INPP4B: variants seen among roughly 807,000 people sequenced by gnomAD.
The protein encoded by INPP4B is inositol polyphosphate-4-phosphatase type II B, also known as inositol polyphosphate 4-phosphatase type II.
INPP4B carries 55 observed loss-of-function variants against 122.5 expected under a neutral mutation model. That is an observed-to-expected ratio of 0.45 (90% CI 0.36 to 0.56). INPP4B has a LOEUF of 0.56. Among genes scored for constraint, INPP4B ranks in the 20% least tolerant of loss-of-function variants. INPP4B has a pLI of 0.00. For synonymous variants in INPP4B, 403 were observed against 388.7 expected (o/e 1.04, Z -0.43); for missense variants, 1,000 against 1,097.7 (o/e 0.91, Z 1.26).
chr4:142,232,840 T>C (rs1258076512), intron 12 of INPP4B, among the ~76,000 whole-genome samples: 1 of 152,180 alleles, frequency 6.6e-6, no homozygotes, highest in Admixed American at 6.5e-5. Context: ...TTATTGCTGA[T>C]GTGGAGAAAG....
At chr4:142,089,779 A>T (rs1168630307) in intron 23 of INPP4B, among the ~76,000 whole-genome samples, 1 of 152,174 alleles carries the variant, frequency 6.6e-6, no homozygotes, top group African/African-American at 2.4e-5. Flanking sequence ...TTTTTCAAAA[A>T]TTGTAGTTCC....
intron 1 of INPP4B, among the ~76,000 whole-genome samples, chr4:142,817,417 C>T (rs566863267): frequency 5.9e-5 from 9 of 152,254 alleles, no homozygotes; most frequent in African/African-American, 1.9e-4. Context: ...GCTTTCTCCT[C>T]GATTATCCAA....
At chr4:142,181,610 G>A (rs190229233) in intron 15 of INPP4B, among the ~76,000 whole-genome samples, 4 of 152,196 alleles carry the variant, frequency 2.6e-5, no homozygotes, top group Non-Finnish European at 4.4e-5. Flanking sequence ...CAACTTTAGC[G>A]ATGCAGAATA....
intron 3 of INPP4B, among the ~76,000 whole-genome samples, chr4:142,454,377 C>A (rs1452777772): frequency 6.6e-6 from 1 of 152,140 alleles, no homozygotes; most frequent in East Asian, 1.9e-4. Flanking sequence ...CCTCCCTATG[C>A]ACCCTCCCAA....
At chr4:142,748,679 T>C (rs567797872) in intron 1 of INPP4B, among the ~76,000 whole-genome samples, 1 of 139,808 alleles carries the variant, frequency 7.2e-6, no homozygotes, top group Non-Finnish European at 1.6e-5. Flanking sequence ...AAAAAAAAAA[T>C]AGAAAATTGA....
chr4:142,800,536 G>T (rs1044129038), intron 1 of INPP4B, among the ~76,000 whole-genome samples: 5 of 152,120 alleles, frequency 3.3e-5, no homozygotes, highest in Admixed American at 1.3e-4. Flanking sequence ...CAATATTAAA[G>T]AATTTGAATT....
intron 25 of INPP4B, among the ~76,000 whole-genome samples, chr4:142,072,383 G>A (rs1767982372): frequency 6.6e-6 from 1 of 151,700 alleles, no homozygotes; most frequent in South Asian, 2.1e-4. Context: ...TATACCTAAT[G>A]TAAATGACGG....
intron 1 of INPP4B, among the ~76,000 whole-genome samples, chr4:142,839,275 T>C (rs993518902): frequency 6.6e-6 from 1 of 152,036 alleles, no homozygotes; most frequent in African/African-American, 2.4e-5. Context: ...CTGGCCAACA[T>C]AGTAAAACCT....
intron 2 of INPP4B, among the ~76,000 whole-genome samples, chr4:142,691,570 A>T (rs1560966290): frequency 6.6e-6 from 1 of 152,138 alleles, no homozygotes; most frequent in South Asian, 2.1e-4. Context: ...CTCCATCAAC[A>T]ACCCAGATTT....
intron 2 of INPP4B, among the ~76,000 whole-genome samples, chr4:142,625,460 C>T (rs1746126886): frequency 1.3e-5 from 2 of 152,098 alleles, no homozygotes; most frequent in Admixed American, 1.3e-4. Context: ...GAACTACAAA[C>T]CACTGCTCAA....
At chr4:142,338,489 C>T (rs1031806051) in intron 7 of INPP4B, among the ~76,000 whole-genome samples, 4 of 152,138 alleles carry the variant, frequency 2.6e-5, no homozygotes, top group African/African-American at 4.8e-5. Flanking sequence ...CTGCCCGCCT[C>T]GGCCTCCCAA....
chr4:142,628,041 C>G (rs575267518), intron 2 of INPP4B, among the ~76,000 whole-genome samples: 104 of 152,098 alleles, frequency 6.8e-4, no homozygotes, highest in South Asian at 4.3e-3. Context: ...TATTTGCGTA[C>G]CCAGCCATCC....
chr4:142,500,949 G>T (rs147833796), intron 2 of INPP4B, among the ~76,000 whole-genome samples: 45 of 152,224 alleles, frequency 3.0e-4, no homozygotes, highest in Admixed American at 2.7e-3. Context: ...CTAGAGATCT[G>T]CCATACAATA....
intron 2 of INPP4B, among the ~76,000 whole-genome samples, chr4:142,658,575 C>T (rs1258070222): frequency 6.6e-6 from 1 of 152,242 alleles, no homozygotes; most frequent in African/African-American, 2.4e-5. Flanking sequence ...AATTTTGAAA[C>T]TATCTGTGAG....
intron 24 of INPP4B, among the ~76,000 whole-genome samples, chr4:142,084,032 C>T (rs336328): frequency 0.94 from 142,975 of 152,238 alleles, 67,816 homozygotes; most frequent in South Asian, 1. Flanking sequence ...GAACTATTGA[C>T]TTAACACACT....
At chr4:142,558,793 T>TAAAAAAAAAAAAA (rs34151070) in intron 2 of INPP4B, among the ~76,000 whole-genome samples, 12 of 75,548 alleles carry the variant, frequency 1.6e-4, no homozygotes, top group Admixed American at 4.5e-4. Context: ...AGACTCCCTC[T>TAAAAAAAAAAAAA]AAAAAAAAAA....
intron 5 of INPP4B, among the ~76,000 whole-genome samples, chr4:142,413,401 GA>G (rs1805018756): frequency 2.0e-5 from 3 of 152,074 alleles, no homozygotes; most frequent in African/African-American, 4.8e-5. Context: ...TAAACTAAAT[GA>G]GTGAATAAAC....
intron 5 of INPP4B, among the ~76,000 whole-genome samples, chr4:142,409,025 C>A (rs1481283052): frequency 6.6e-6 from 1 of 152,094 alleles, no homozygotes; most frequent in Non-Finnish European, 1.5e-5. Flanking sequence ...CAATAAGTGA[C>A]TTTTTATTTC....
At chr4:142,050,654 G>C (rs1170632877) in intron 25 of INPP4B, among the ~76,000 whole-genome samples, 1 of 151,970 alleles carries the variant, frequency 6.6e-6, no homozygotes, top group Non-Finnish European at 1.5e-5. Flanking sequence ...ATTTAGATGA[G>C]CTATACTTTG....
Sources: allele counts gnomAD v4.1 joint callset (sites outside exome capture counted in the v4.1 genomes callset), GRCh38; gene constraint gnomAD v4.1.1; transcripts MANE v1.5; gene names NCBI Gene and HGNC (gene_info 2026-07-23, HGNC 2026-07-21).